Variants in MXI1 observed in about 807,000 individuals in gnomAD.
The protein encoded by MXI1 is max-interacting protein 1.
In MXI1, 18 loss-of-function variants were observed where a neutral mutation model predicts 36.9. The ratio of observed to expected loss-of-function variants is 0.49; its 90% CI spans 0.34 to 0.72. The LOEUF is 0.72. MXI1 is among the 30% of genes least tolerant of loss of function. The pLI is 0.01. For missense variants in MXI1, 304 were observed against 379.1 expected, an observed-to-expected ratio of 0.80 and a Z score of 1.64; for synonymous variants, 160 against 146.7, an observed-to-expected ratio of 1.09 and a Z score of -0.65.
intron 1 of MXI1, chr10:110,227,960 G>C (rs1057482542): frequency 9.8e-6 from 5 of 510,750 alleles, no homozygotes; most frequent in African/African-American, 1.9e-5. Flanking sequence ...GGAAAGGGGG[G>C]ATAAACTCTT....
chr10:110,208,759 A>G (rs1854429832), intron 1 of MXI1, among the ~76,000 whole-genome samples: 1 of 143,542 alleles, frequency 7.0e-6, no homozygotes, highest in African/African-American at 2.9e-5. Context: ...CCCCCAAAGA[A>G]GGAGGCCGGC....
intron 2 of MXI1, among the ~76,000 whole-genome samples, chr10:110,236,121 GTTCTTTTTTTTTTTTTTTTTTTTTT>G (rs1248027471): frequency 1.5e-5 from 1 of 67,874 alleles, no homozygotes; most frequent in Admixed American, 2.2e-4. Context: ...AAAGGTTGAA[GTTCTTTTTTTTTTTTTTTTTTTTTT>G]TTTTTTTTTT....
intron 3 of MXI1, among the ~76,000 whole-genome samples, chr10:110,256,158 G>A (rs1039513615): frequency 1.3e-5 from 2 of 152,006 alleles, no homozygotes; most frequent in Admixed American, 1.3e-4. Context: ...ACTCAAAATG[G>A]ATCATAGACC....
intron 1 of MXI1, among the ~76,000 whole-genome samples, chr10:110,216,665 G>GTTTTGTTTTTTTTTTTTTTTTTTT (rs1854644399): frequency 1.3e-5 from 1 of 79,060 alleles, no homozygotes; most frequent in East Asian, 3.9e-4. Flanking sequence ...TGTGTTTAAT[G>GTTTTGTTTTTTTTTTTTTTTTTTT]TTTTTTTTTT....
intron 3 of MXI1, among the ~76,000 whole-genome samples, chr10:110,256,454 T>C (rs1039587584): frequency 2.6e-5 from 4 of 151,374 alleles, no homozygotes; most frequent in Admixed American, 6.6e-5. Context: ...AAATACAAAA[T>C]TAGCCGGGCA....
intron 5 of MXI1, among the ~76,000 whole-genome samples, chr10:110,281,172 A>G (rs988750711): frequency 2.6e-5 from 4 of 152,336 alleles, no homozygotes; most frequent in Admixed American, 1.3e-4. Flanking sequence ...ATTCAGTTTG[A>G]ATAGCTGTCA....
chr10:110,228,186 C>T lies in MXI1; in HGVS notation c.275-3C>T. 6.2e-7 allele frequency: 1 copy of T among 1,613,802 alleles called. No individual in the cohort carries two copies. The highest frequency in any genetic ancestry group is 8.5e-7 in the Non-Finnish European group (1 of 1,179,932). Reference sequence around the variant, plus strand: ...CCGTATCTTTTTTTCTTGCTTTCTTCAGAGTGTGAACATGGCTACGCCTCT... The same window carrying T: ...CCGTATCTTTTTTTCTTGCTTTCTTTAGAGTGTGAACATGGCTACGCCTCT... On this transcript the variant is annotated splice_polypyrimidine_tract_variant and splice_region_variant and intron_variant, in intron 1 of 5. Coordinates refer to ENST00000332674, the MANE Select transcript of MXI1 (RefSeq NM_130439.3).
chr10:110,233,279 A>G (rs1262028425), intron 2 of MXI1, among the ~76,000 whole-genome samples: 2 of 152,126 alleles, frequency 1.3e-5, no homozygotes, highest in East Asian at 3.8e-4. Flanking sequence ...CTTATTTTAG[A>G]TAGAATTATT....
At chr10:110,228,771 ATTTG>A (rs952541947) in intron 2 of MXI1, among the ~76,000 whole-genome samples, 1 of 152,198 alleles carries the variant, frequency 6.6e-6, no homozygotes, top group Non-Finnish European at 1.5e-5. Context: ...GGATGTGGTT[ATTTG>A]TTTAAGGAGA....
At chr10:110,267,457 T>C (rs1856713285) in intron 3 of MXI1, among the ~76,000 whole-genome samples, 1 of 152,232 alleles carries the variant, frequency 6.6e-6, no homozygotes. Flanking sequence ...CAACCAAATA[T>C]GTCATTTTTC....
chr10:110,280,091 C>T lies in MXI1; in HGVS notation c.724+6C>T, dbSNP rs763227867. On this transcript the variant is annotated splice_donor_region_variant and intron_variant, in intron 5 of 5. Transcript: ENST00000332674. ...TCGTTCTGATTCAGAGCGAGGTAGGCAGCTTGCCTCTTCTCTAATGAAATA... is the reference window on the plus strand; with the variant it reads ...TCGTTCTGATTCAGAGCGAGGTAGGTAGCTTGCCTCTTCTCTAATGAAATA... The T allele has an allele frequency of 5.7e-6, 9 of 1,570,654 alleles. 1 individual carries two copies. The East Asian group carries it at 1.6e-4, about 28-fold the overall frequency.
chr10:110,234,576 GT>G (rs1348649340), intron 2 of MXI1, among the ~76,000 whole-genome samples: 1 of 151,854 alleles, frequency 6.6e-6, no homozygotes, highest in African/African-American at 2.4e-5. Flanking sequence ...GGTACCACTC[GT>G]TTTTCCCCCA....
intron 3 of MXI1, among the ~76,000 whole-genome samples, chr10:110,254,393 C>G (rs182417659): frequency 2.0e-5 from 3 of 152,110 alleles, no homozygotes; most frequent in Non-Finnish European, 4.4e-5. Flanking sequence ...CCCCATCTCT[C>G]TCCCTCTTAT....
intron 3 of MXI1, among the ~76,000 whole-genome samples, chr10:110,252,230 CT>C (rs1304355476): frequency 6.6e-6 from 1 of 152,112 alleles, no homozygotes; most frequent in Non-Finnish European, 1.5e-5. Flanking sequence ...CAAAAGTTAT[CT>C]TCTCTTAGTG....
At chr10:110,211,982 G>A (rs1215569968) in intron 1 of MXI1, among the ~76,000 whole-genome samples, 1 of 152,196 alleles carries the variant, frequency 6.6e-6, no homozygotes, top group East Asian at 1.9e-4. Flanking sequence ...AGTAGAAAAA[G>A]ATCTTGGAAA....
In MXI1 at chr10:110,208,041, A is replaced by G; in HGVS notation, c.233A>G (p.Glu78Gly). 3 of 1,602,538 alleles carry G rather than the reference A, an allele frequency of 1.9e-6. No individual in the cohort carries two copies. Among genetic ancestry groups the G allele is most frequent in the Non-Finnish European group, 2.6e-6 (3 of 1,174,628 alleles). Residue 78 changes from glutamate to glycine, a missense_variant, in exon 1 of 6, where the codon GAG becomes GGG. This residue lies in a region of MXI1 where 179 missense variants were observed against 184.8 expected (regional missense o/e 0.97). Coordinates refer to ENST00000332674, the MANE Select transcript of MXI1 (RefSeq NM_130439.3). ...CTGCAGAACGTGCAGATTCTGCTCGAGGCCGCCAGCTACCTGGAGCAGATC... is the reference window on the plus strand; with the variant it reads ...CTGCAGAACGTGCAGATTCTGCTCGGGGCCGCCAGCTACCTGGAGCAGATC... ...TFLQNVQILL[E>G]AASYLEQIEK...
At chr10:110,269,707 T>C (rs1419717666) in intron 3 of MXI1, among the ~76,000 whole-genome samples, 1 of 152,204 alleles carries the variant, frequency 6.6e-6, no homozygotes, top group Non-Finnish European at 1.5e-5. Context: ...GAAGTTTGTT[T>C]TGGTTTCAAA....
intron 3 of MXI1, among the ~76,000 whole-genome samples, chr10:110,246,564 G>A (rs766192489): frequency 1.3e-5 from 2 of 152,098 alleles, no homozygotes; most frequent in African/African-American, 2.4e-5. Flanking sequence ...CTGTGTTCTT[G>A]TCTCTTATTG....
At chr10:110,251,926 A>G (rs1030922912) in intron 3 of MXI1, among the ~76,000 whole-genome samples, 2 of 152,140 alleles carry the variant, frequency 1.3e-5, no homozygotes, top group Non-Finnish European at 2.9e-5. Context: ...AGACTGTGGA[A>G]TGTTACTGAA....
Sources: gnomAD v4.1 joint callset for allele counts (sites outside exome capture counted in the v4.1 genomes callset) on GRCh38, gnomAD v4.1.1 for gene constraint, gnomAD v4.1.1 regional missense constraint, MANE v1.5 for transcripts, NCBI Gene and HGNC (gene_info 2026-07-23, HGNC 2026-07-21) for gene names.